YIPF5: variants seen among roughly 807,000 people sequenced by gnomAD.
YIPF5 encodes the protein protein YIPF5.
Under a neutral mutation model 30.4 loss-of-function variants are expected in YIPF5, and 8 were observed. That is an observed-to-expected ratio of 0.26 (90% CI 0.15 to 0.47). The LOEUF is 0.47. Among genes scored for constraint, YIPF5 ranks in the 20% least tolerant of loss-of-function variants. YIPF5 has a pLI of 0.99. For missense variants in YIPF5, 282 were observed against 301.8 expected (o/e 0.93, Z 0.49); for synonymous variants, 104 against 107.9 (o/e 0.96, Z 0.23).
In YIPF5 at chr5:144,159,873, A is replaced by ATTT. The variant is rs144356469; in HGVS notation, c.*521_*523dup. On this transcript the variant is annotated 3_prime_UTR_variant, in exon 6 of 6. Transcript: ENST00000274496. ...AGGCGCCCGCCACCACGCCCAGCTA[A>ATTT]TTTTTTTTGTAGTTTTAGTAGAGTC... 1.7e-6 allele frequency: 1 copy of ATTT among 595,608 alleles called. No individual in the cohort carries two copies. Among genetic ancestry groups the ATTT allele is most frequent in the African/African-American group, 2.1e-5 (1 of 48,760 alleles). 36.9% of individuals were successfully genotyped at this position (595,608 alleles called of 1,614,324 possible).
chr5:144,163,993 C>G, intron 4 of YIPF5, 118 bp downstream of exon 4: 1 of 1,290,080 alleles, frequency 7.8e-7, no homozygotes, highest in African/African-American at 1.5e-5. Context: ...CAGTACTATT[C>G]CAAACACATC....
chr5:144,164,240 A>T lies in YIPF5; in HGVS notation c.300T>A (p.Phe100Leu). The T allele has an allele frequency of 6.2e-7, 1 of 1,610,822 alleles. No homozygotes were observed. Among genetic ancestry groups the T allele is most frequent in the Non-Finnish European group, 8.5e-7 (1 of 1,178,644 alleles). ...TTAGTGTTTTTTGCCAGATGTGGTC[A>T]AAATTGATACCTAACTCTAAAGAGA... ...PPLLEELGIN[F>L]DHIWQKTLTV... Residue 100 changes from phenylalanine to leucine, a missense_variant, in exon 4 of 6, where the codon TTT (phenylalanine) becomes TTA (leucine). Phe to Leu is a conservative substitution (Grantham distance 22, BLOSUM62 0). Transcript: ENST00000274496.
intron 3 of YIPF5, 80 bp from the exon 4 acceptor site, chr5:144,164,336 G>C: frequency 1.0e-5 from 13 of 1,251,582 alleles, no homozygotes; most frequent in Admixed American, 2.4e-5. Flanking sequence ...TGAAACAAGA[G>C]ACAAAATGAC....
At position 144,160,141 on chromosome 5, in the gene YIPF5, A is replaced by G. The variant is rs1751993124; in HGVS notation, c.*256T>C. On this transcript the variant is annotated 3_prime_UTR_variant, in exon 6 of 6. Coordinates refer to ENST00000274496, the MANE Select transcript of YIPF5 (RefSeq NM_030799.9). ...AGGAAAAAGGTTTTTCAATGGCTGC[A>G]GGAACCAGAAAGAAATAGCATTTCT... 1 of 1,170,830 alleles carries G rather than the reference A, an allele frequency of 8.5e-7. No homozygotes were observed. The highest frequency in any genetic ancestry group is 1.1e-6 in the Non-Finnish European group (1 of 950,338). 72.5% of individuals were successfully genotyped at this position (1,170,830 alleles called of 1,614,324 possible).
chr5:144,169,800 T>G (rs746023721), intron 2 of YIPF5, 46 bp downstream of exon 2: 7 of 1,488,380 alleles, frequency 4.7e-6, no homozygotes, highest in Non-Finnish European at 6.5e-6. Flanking sequence ...AATATGTGTT[T>G]TCACTGCAAT....
chr5:144,168,320 G>A (rs1321684678), intron 2 of YIPF5, among the ~76,000 whole-genome samples: 1 of 152,100 alleles, frequency 6.6e-6, no homozygotes, highest in Non-Finnish European at 1.5e-5. Context: ...AAAAGCAGAG[G>A]CAGATAAATC....
chr5:144,163,603 T>C (rs1035724723), intron 4 of YIPF5, among the ~76,000 whole-genome samples: 1 of 152,170 alleles, frequency 6.6e-6, no homozygotes, highest in East Asian at 1.9e-4. Context: ...AGACATAAGA[T>C]AAAATAAATA....
In YIPF5 at chr5:144,159,725, G is replaced by GACAGAGTC. The variant is rs1751974594; in HGVS notation, c.*664_*671dup. 1 of 789,300 alleles carries GACAGAGTC rather than the reference G, an allele frequency of 1.3e-6. No homozygotes were observed. Among genetic ancestry groups the GACAGAGTC allele is most frequent in the South Asian group, 5.8e-5 (1 of 17,158 alleles). 48.9% of individuals were successfully genotyped at this position (789,300 alleles called of 1,614,324 possible). On this transcript the variant is annotated 3_prime_UTR_variant, in exon 6 of 6. Transcript: ENST00000274496. ...TGTCTCCTTTTTTTTTTTTTTTTGA[G>GACAGAGTC]ACAGAGTCTCACCCTGTCACCCAGG...
In YIPF5 at chr5:144,160,365, G is replaced by A; in HGVS notation, c.*32C>T. 1 of 1,596,382 alleles carries A rather than the reference G, an allele frequency of 6.3e-7. No individual in the cohort carries two copies. Among genetic ancestry groups the A allele is most frequent in the Non-Finnish European group, 8.6e-7 (1 of 1,169,096 alleles). On this transcript the variant is annotated 3_prime_UTR_variant, in exon 6 of 6. Transcript: ENST00000274496. ...AGTTCAAGGTCCTTTTTGTACATCT[G>A]GCCCACTGATGTCCACATCCCAGAT...
rs1006364769 is a variant in YIPF5, at chr5:144,160,260, C to T, written c.*137G>A. 1.2e-5 allele frequency: 18 copies of T among 1,488,244 alleles called. No individual in the cohort carries two copies. The highest frequency in any genetic ancestry group is 4.6e-5 in the East Asian group (2 of 43,606). 92.2% of individuals were successfully genotyped at this position (1,488,244 alleles called of 1,614,324 possible). A position where few individuals can be genotyped will look rare whatever the true frequency, so the allele number is the denominator to read the frequency against. ...TCTATAAAAATGAACAAGAGATACA[C>T]GTTTACTTTCATTGCTCCAACAGTC... On this transcript the variant is annotated 3_prime_UTR_variant, in exon 6 of 6. Coordinates refer to ENST00000274496, the MANE Select transcript of YIPF5 (RefSeq NM_030799.9).
At position 144,159,427 on chromosome 5, in the gene YIPF5, T is replaced by C. The variant is rs1049022073; in HGVS notation, c.*970A>G. 1 of 985,450 alleles carries C rather than the reference T, an allele frequency of 1.0e-6. No individual in the cohort carries two copies. Among genetic ancestry groups the C allele is most frequent in the Non-Finnish European group, 1.2e-6 (1 of 829,922 alleles). 61.0% of individuals were successfully genotyped at this position (985,450 alleles called of 1,614,324 possible). A position where few individuals can be genotyped will look rare whatever the true frequency, so the allele number is the denominator to read the frequency against. On this transcript the variant is annotated 3_prime_UTR_variant, in exon 6 of 6. Transcript: ENST00000274496. Reference sequence around the variant, plus strand: ...GGCGATCCAACGATTATAGCATTAATGCAACCATTCCAGGTCCCTAAGGTT... The same window carrying C: ...GGCGATCCAACGATTATAGCATTAACGCAACCATTCCAGGTCCCTAAGGTT...
Position 144,158,999 on chromosome 5 carries a change from GT to G in YIPF5, c.*1397del. The G allele has an allele frequency of 1.0e-6, 1 of 984,042 alleles. No individual in the cohort carries two copies. 61.0% of individuals were successfully genotyped at this position (984,042 alleles called of 1,614,324 possible). On this transcript the variant is annotated 3_prime_UTR_variant, in exon 6 of 6. Coordinates refer to ENST00000274496, the MANE Select transcript of YIPF5 (RefSeq NM_030799.9). ...TGAGCTTTGTCCAGAATCAGAGACA[GT>G]TTTTCTAGAAAAAGCCAATGATCAG...
chr5:144,162,116 G>A, intron 5 of YIPF5, 102 bp downstream of exon 5: 1 of 1,279,520 alleles, frequency 7.8e-7, no homozygotes, highest in South Asian at 1.4e-5. Context: ...GGCACTATCT[G>A]ATATGTTTGC....
intron 1 of YIPF5, 70 bp from the exon 2 acceptor site, chr5:144,170,035 G>T: frequency 7.9e-7 from 1 of 1,260,208 alleles, no homozygotes; most frequent in Non-Finnish European, 1.2e-6. Context: ...CTGGCAGTCT[G>T]CTTAAGCAAA....
rs752475135 is a variant in YIPF5 at position 144,161,170 on chromosome 5, T to C, written c.612-611A>G. Among the ~76,000 whole-genome samples the C allele has an allele frequency of 5.3e-5, 8 of 152,052 alleles. No homozygotes were observed. The East Asian group carries it at 1.2e-3, about 22-fold the overall frequency. On this transcript the variant is annotated intron_variant, in intron 5 of 5. Transcript: ENST00000274496. ...TGTATTGGATAAATAATCGACATAT[T>C]TGTCTCTTCTCCTCCCAAACCTCCA...
In YIPF5 at chr5:144,158,598, A is replaced by G; in HGVS notation, c.*1799T>C. On this transcript the variant is annotated 3_prime_UTR_variant, in exon 6 of 6. Coordinates refer to ENST00000274496, the MANE Select transcript of YIPF5 (RefSeq NM_030799.9). ...AGACATTTGCCTTAACAAAAACTAT[A>G]CTGAAAAAGACAAATGAATTGAAAA... is the stretch of plus-strand genomic sequence containing the variant. 1 of 1,084,154 alleles carries G rather than the reference A, an allele frequency of 9.2e-7. No homozygotes were observed. The highest frequency in any genetic ancestry group is 1.1e-6 in the Non-Finnish European group (1 of 890,500). The allele number at this position is 1,084,154 out of a possible 1,614,324, so 67.2% of individuals were successfully genotyped here. A position where few individuals can be genotyped will look rare whatever the true frequency, so the allele number is the denominator to read the frequency against.
intron 1 of YIPF5, 122 bp from the exon 2 acceptor site, chr5:144,170,087 A>T: frequency 1.4e-6 from 1 of 713,952 alleles, no homozygotes; most frequent in Non-Finnish European, 2.4e-6. Context: ...CGGAGAGGGG[A>T]TGGGGGCGGA....
intron 2 of YIPF5, 132 bp from the exon 3 acceptor site, chr5:144,165,736 C>A: frequency 1.3e-6 from 1 of 799,648 alleles, no homozygotes; most frequent in East Asian, 2.7e-5. Flanking sequence ...CAAACTTTGC[C>A]AATTTTTATA....
chr5:144,162,527 C>A lies in YIPF5; in HGVS notation c.430-128G>T, dbSNP rs534420286. The A allele has an allele frequency of 7.3e-6, 6 of 821,122 alleles. No homozygotes were observed. The highest frequency in any genetic ancestry group is 1.7e-5 in the African/African-American group (1 of 57,208). 50.9% of individuals were successfully genotyped at this position (821,122 alleles called of 1,614,324 possible). On this transcript the variant is annotated intron_variant, in intron 4 of 5. Transcript: ENST00000274496. Reference sequence around the variant, plus strand: ...AATCTACTAATCTATCTATTCTTTACGTAGAGAAGTAAAAGACTGAGCAGA... The same window carrying A: ...AATCTACTAATCTATCTATTCTTTAAGTAGAGAAGTAAAAGACTGAGCAGA...
Sources: gnomAD v4.1 joint callset for allele counts (sites outside exome capture counted in the v4.1 genomes callset) on GRCh38, gnomAD v4.1.1 for gene constraint, MANE v1.5 for transcripts, NCBI Gene and HGNC (gene_info 2026-07-23, HGNC 2026-07-21) for gene names.